The following NEBL variants were observed in gnomAD, a reference collection of about 807,000 sequenced individuals.
NEBL encodes LIM and SH3 protein 2.
A neutral mutation model predicts 140.2 loss-of-function variants in NEBL; 122 were observed. The ratio of observed to expected loss-of-function variants is 0.87; its 90% CI spans 0.75 to 1.01. The LOEUF (loss-of-function observed/expected upper bound fraction) is 1.01. Ranked by LOEUF, NEBL falls within the 50% of genes least tolerant of loss-of-function variation. NEBL has a pLI of 0.00. For synonymous variants in NEBL, 436 were observed against 398.9 expected (o/e 1.09, Z -1.11); for missense variants, 1,365 against 1,231.3 (o/e 1.11, Z -1.62).
At chr10:20,812,358 C>G (rs975490428) in intron 24 of NEBL, among the ~76,000 whole-genome samples, 6 of 151,828 alleles carry the variant, frequency 4.0e-5, no homozygotes, top group Non-Finnish European at 5.9e-5. Context: ...TTCTAGGGTA[C>G]ATGTGCACAA....
chr10:20,950,249 A>G (rs1835394037), intron 4 of NEBL, among the ~76,000 whole-genome samples: 1 of 152,218 alleles, frequency 6.6e-6, no homozygotes. Flanking sequence ...ACTTTAAAAC[A>G]TGTTTGTTAA....
At chr10:21,205,391 G>A (rs965431989) in intron 3 of NEBL, among the ~76,000 whole-genome samples, 1 of 152,134 alleles carries the variant, frequency 6.6e-6, no homozygotes, top group Non-Finnish European at 1.5e-5. Context: ...TGTATATAAT[G>A]TCAAAAATAA....
intron 2 of NEBL, chr10:21,146,307 A>G (rs368771320): frequency 1.3e-6 from 2 of 1,566,668 alleles, no homozygotes; most frequent in Admixed American, 1.8e-5. Context: ...CAGCACACCC[A>G]TGCAGTATAA....
chr10:21,045,767 T>C (rs75032915), intron 2 of NEBL, among the ~76,000 whole-genome samples: 53 of 152,238 alleles, frequency 3.5e-4, no homozygotes, highest in African/African-American at 1.3e-3. Context: ...TTGATGAAAA[T>C]GTAAATTAGT....
intron 17 of NEBL, among the ~76,000 whole-genome samples, chr10:20,827,088 C>T (rs1293608490): frequency 6.6e-6 from 1 of 152,168 alleles, no homozygotes; most frequent in Non-Finnish European, 1.5e-5. Flanking sequence ...CCCCTACTAA[C>T]GTCTACCCTT....
intron 27 of NEBL, 104 bp from the exon 28 acceptor site, chr10:20,786,027 T>A (rs1395627341): frequency 8.9e-7 from 1 of 1,117,488 alleles, no homozygotes; most frequent in East Asian, 2.4e-5. Flanking sequence ...ATTAGGAATG[T>A]TTTCAAACAC....
intron 26 of NEBL, among the ~76,000 whole-genome samples, chr10:20,793,695 A>G (rs1224677848): frequency 1.3e-5 from 2 of 151,952 alleles, no homozygotes; most frequent in African/African-American, 4.8e-5. Flanking sequence ...CTGGGACTAC[A>G]GGTGCATGCT....
rs1031719548 is a variant in NEBL, at chr10:20,939,221, C to T, written c.357+22451G>A. ...TACCCACAAAGGGATGCCCATCAGA[C>T]TAACAGCTGATCTCTCAGCAGAAAC... On this transcript the variant is annotated intron_variant, in intron 4 of 6. Coordinates refer to the NEBL transcript ENST00000417816. 1.5e-4 allele frequency among the ~76,000 whole-genome samples: 23 copies of T among 152,322 alleles called. 1 individual carries two copies. The highest frequency in any genetic ancestry group is 5.5e-4 in the African/African-American group (23 of 41,576).
At chr10:20,977,685 T>G (rs551627766) in intron 3 of NEBL, among the ~76,000 whole-genome samples, 10 of 152,290 alleles carry the variant, frequency 6.6e-5, no homozygotes, top group African/African-American at 2.4e-4. Context: ...GAAAAAAAAC[T>G]GTGAAATCAG....
chr10:21,025,543 A>G (rs1235314791), intron 2 of NEBL, among the ~76,000 whole-genome samples: 5 of 152,260 alleles, frequency 3.3e-5, no homozygotes, highest in African/African-American at 1.2e-4. Flanking sequence ...GCAAATCACT[A>G]GACCTCGTCA....
At chr10:20,802,482 C>T (rs1564337143) in intron 26 of NEBL, among the ~76,000 whole-genome samples, 1 of 152,112 alleles carries the variant, frequency 6.6e-6, no homozygotes, top group Non-Finnish European at 1.5e-5. Context: ...AATGCAAACC[C>T]TTTGGTAACT....
intron 13 of NEBL, among the ~76,000 whole-genome samples, chr10:20,838,746 C>T (rs1056874194): frequency 2.6e-5 from 4 of 152,120 alleles, no homozygotes; most frequent in Non-Finnish European, 4.4e-5. Context: ...CTTCAGCAGC[C>T]ACCATCCTGA....
At chr10:20,943,211 T>A (rs1475250344) in intron 4 of NEBL, among the ~76,000 whole-genome samples, 3 of 152,158 alleles carry the variant, frequency 2.0e-5, no homozygotes, top group Admixed American at 2.0e-4. Flanking sequence ...AATGAAAGAC[T>A]GGATTAAGAA....
chr10:21,054,859 G>C (rs1470118), intron 2 of NEBL, among the ~76,000 whole-genome samples: 1 of 152,142 alleles, frequency 6.6e-6, no homozygotes, highest in Admixed American at 6.5e-5. Flanking sequence ...TCAATTTCAT[G>C]AAACTTGAGA....
intron 3 of NEBL, among the ~76,000 whole-genome samples, chr10:21,189,542 G>C (rs924598394): frequency 5.9e-5 from 9 of 152,134 alleles, no homozygotes; most frequent in African/African-American, 2.2e-4. Context: ...TCTGCTCACT[G>C]CAAACTCTGC....
chr10:20,950,461 T>C (rs1470077277), intron 4 of NEBL, among the ~76,000 whole-genome samples: 1 of 152,300 alleles, frequency 6.6e-6, no homozygotes, highest in East Asian at 1.9e-4. Flanking sequence ...ATCTCTTCCC[T>C]TCCTTCTGCC....
chr10:21,198,853 T>C (rs1841691178), intron 3 of NEBL, among the ~76,000 whole-genome samples: 1 of 152,096 alleles, frequency 6.6e-6, no homozygotes, highest in South Asian at 2.1e-4. Flanking sequence ...AAAGTGACCA[T>C]TTTCTCTTTC....
intron 4 of NEBL, among the ~76,000 whole-genome samples, chr10:20,909,280 C>A (rs1848230824): frequency 6.6e-6 from 1 of 150,810 alleles, no homozygotes; most frequent in Middle Eastern, 3.4e-3. Context: ...CAGTTCCTAC[C>A]TCCCCACCAC....
In NEBL at chr10:21,231,548, CAAGAA is replaced by C. The variant is rs530566232; in HGVS notation, n.348+16368_348+16372del. Among the ~76,000 whole-genome samples, 949 of 148,462 alleles carry C rather than the reference CAAGAA, an allele frequency of 6.4e-3. 8 individuals carry two copies. Among genetic ancestry groups the C allele is most frequent in the Non-Finnish European group, 8.2e-3 (545 of 66,530 alleles). ...AGCGAGACTCTGTCTCAAAAAAAAA[CAAGAA>C]AAGAAAAGAAAAGAAAAAGAAAAGA... is the stretch of plus-strand genomic sequence containing the variant. On this transcript the variant is annotated intron_variant and non_coding_transcript_variant, in intron 3 of 8. Coordinates refer to the NEBL transcript ENST00000675702.
Sources: gnomAD v4.1 joint callset for allele counts (sites outside exome capture counted in the v4.1 genomes callset) on GRCh38, gnomAD v4.1.1 for gene constraint, MANE v1.5 for transcripts, NCBI Gene and HGNC (gene_info 2026-07-23, HGNC 2026-07-21) for gene names.